The following PPM1L variants were observed in gnomAD, a reference collection of about 807,000 sequenced individuals.
PPM1L encodes protein phosphatase, Mg2+/Mn2+ dependent 1L.
PPM1L carries 13 observed loss-of-function variants against 31.4 expected under a neutral mutation model. The ratio of observed to expected loss-of-function variants is 0.41; its 90% CI spans 0.27 to 0.66. The LOEUF (loss-of-function observed/expected upper bound fraction) is 0.66, where lower values mean the gene tolerates loss of function less well. Ranked by LOEUF, PPM1L falls within the 30% of genes least tolerant of loss-of-function variation. The probability of loss-of-function intolerance (pLI) is 0.29; values close to 1 mark genes in which losing one functional copy is unlikely to be tolerated. For missense variants in PPM1L, 326 were observed against 453.7 expected (o/e 0.72, Z 2.56); for synonymous variants, 184 against 175.4 (o/e 1.05, Z -0.39).
intron 2 of PPM1L, among the ~76,000 whole-genome samples, chr3:160,979,109 C>T (rs375251740): frequency 1.3e-3 from 191 of 152,018 alleles, no homozygotes; most frequent in African/African-American, 4.4e-3. Context: ...CTAACTCAAA[C>T]CTAAATAATT....
Position 161,044,346 on chromosome 3 carries a change from G to GTATTTATTTATTTATT in PPM1L, c.575-21031_575-21016dup, listed in dbSNP as rs66461506. On this transcript the variant is annotated intron_variant, in intron 2 of 3. Coordinates refer to ENST00000498165, the MANE Select transcript of PPM1L (RefSeq NM_139245.4). Reference sequence around the variant, plus strand: ...TGAGCCACTGCACCTGGCCTGCCCTGTATTTATTTATTTATTTATTTATTT... The same window carrying GTATTTATTTATTTATT: ...TGAGCCACTGCACCTGGCCTGCCCTGTATTTATTTATTTATTTATTTATTTATTTATTTATTTATTT... Among the ~76,000 whole-genome samples, 140 of 143,334 alleles carry GTATTTATTTATTTATT rather than the reference G, an allele frequency of 9.8e-4. 1 individual carries two copies. Among genetic ancestry groups the GTATTTATTTATTTATT allele is most frequent in the Middle Eastern group, 3.6e-3 (1 of 280 alleles). 94.0% of individuals were successfully genotyped at this position (143,334 alleles called of 152,430 possible). A position where few individuals can be genotyped will look rare whatever the true frequency, so the allele number is the denominator to read the frequency against.
At chr3:160,824,416 A>G (rs546183690) in intron 1 of PPM1L, among the ~76,000 whole-genome samples, 1 of 152,280 alleles carries the variant, frequency 6.6e-6, no homozygotes, top group Non-Finnish European at 1.5e-5. Context: ...TAAAGTACTG[A>G]ACCATAAGGG....
intron 1 of PPM1L, among the ~76,000 whole-genome samples, chr3:160,914,951 G>A (rs1178855017): frequency 6.6e-6 from 1 of 152,082 alleles, no homozygotes; most frequent in East Asian, 1.9e-4. Context: ...TCCAGCACCT[G>A]TTGTTTCCTG....
chr3:160,787,738 C>A (rs1051745004), intron 1 of PPM1L, among the ~76,000 whole-genome samples: 1 of 152,160 alleles, frequency 6.6e-6, no homozygotes, highest in African/African-American at 2.4e-5. Flanking sequence ...TTAGGTTTTA[C>A]ATTTAAGTCC....
intron 2 of PPM1L, among the ~76,000 whole-genome samples, chr3:161,037,226 T>G (rs1179538484): frequency 6.6e-6 from 1 of 152,136 alleles, no homozygotes; most frequent in Non-Finnish European, 1.5e-5. Context: ...ATATAAAGAC[T>G]GGCTTCTGAC....
At chr3:160,793,602 G>A (rs1197712900) in intron 1 of PPM1L, among the ~76,000 whole-genome samples, 1 of 152,154 alleles carries the variant, frequency 6.6e-6, no homozygotes, top group African/African-American at 2.4e-5. Flanking sequence ...AGTAAAGTGT[G>A]CGTGTTGATT....
At chr3:160,836,014 C>T (rs1713703649) in intron 1 of PPM1L, among the ~76,000 whole-genome samples, 1 of 151,926 alleles carries the variant, frequency 6.6e-6, no homozygotes, top group Non-Finnish European at 1.5e-5. Context: ...TCAATGTGTC[C>T]ATTTTTTTCT....
At chr3:160,990,770 T>C (rs912890004) in intron 2 of PPM1L, among the ~76,000 whole-genome samples, 5 of 152,218 alleles carry the variant, frequency 3.3e-5, no homozygotes, top group Non-Finnish European at 5.9e-5. Flanking sequence ...TCCAAGCCCA[T>C]GTGATTATAA....
intron 2 of PPM1L, among the ~76,000 whole-genome samples, chr3:160,999,291 T>G (rs897653795): frequency 6.6e-6 from 1 of 152,192 alleles, no homozygotes; most frequent in African/African-American, 2.4e-5. Context: ...GTGTGGTTTC[T>G]ACTGCAGACA....
chr3:160,974,101 T>C (rs1161019501), intron 2 of PPM1L, among the ~76,000 whole-genome samples: 1 of 138,258 alleles, frequency 7.2e-6, no homozygotes, highest in African/African-American at 2.7e-5. Flanking sequence ...AATTCCCACC[T>C]ATGAGTGAGA....
chr3:160,909,435 T>C (rs1713877612), intron 1 of PPM1L, among the ~76,000 whole-genome samples: 2 of 152,114 alleles, frequency 1.3e-5, no homozygotes, highest in Non-Finnish European at 2.9e-5. Context: ...AGTTAACAAA[T>C]TCGATTTTAG....
chr3:161,048,740 C>T (rs1291307375), intron 2 of PPM1L, among the ~76,000 whole-genome samples: 1 of 151,922 alleles, frequency 6.6e-6, no homozygotes, highest in South Asian at 2.1e-4. Flanking sequence ...CCATGGAATA[C>T]TATGCTGCCA....
At chr3:160,989,067 G>A (rs1321240783) in intron 2 of PPM1L, among the ~76,000 whole-genome samples, 1 of 152,134 alleles carries the variant, frequency 6.6e-6, no homozygotes, top group African/African-American at 2.4e-5. Flanking sequence ...GAAGAAAGGA[G>A]GAAATAGAAA....
At chr3:160,970,327 A>G (rs540453159) in intron 2 of PPM1L, among the ~76,000 whole-genome samples, 30 of 152,232 alleles carry the variant, frequency 2.0e-4, no homozygotes, top group African/African-American at 5.3e-4. Flanking sequence ...GGAAGAGGGG[A>G]GTAAAATGGG....
chr3:160,961,124 G>A (rs1283337568), intron 1 of PPM1L, among the ~76,000 whole-genome samples: 4 of 152,140 alleles, frequency 2.6e-5, no homozygotes, highest in Non-Finnish European at 1.5e-5. Flanking sequence ...AGGCATTTAA[G>A]TGGTGAAGAG....
At chr3:160,828,451 A>G (rs1017495534) in intron 1 of PPM1L, among the ~76,000 whole-genome samples, 2 of 152,090 alleles carry the variant, frequency 1.3e-5, no homozygotes, top group Non-Finnish European at 2.9e-5. Context: ...TATACCAGGC[A>G]TTAGGTGGGT....
In PPM1L at chr3:160,864,339, T is replaced by A. The variant is rs149322946; in HGVS notation, c.400-97397T>A. Among the ~76,000 whole-genome samples the A allele has an allele frequency of 3.5e-3, 532 of 152,078 alleles. 2 individuals carry two copies. The highest frequency in any genetic ancestry group is 0.012 in the African/African-American group (514 of 41,498). Reference sequence around the variant, plus strand: ...TAGCTGGGACTTATAGGCACTTGACTAATTTTTGTATGTTTTTTGTAATGA... The same window carrying A: ...TAGCTGGGACTTATAGGCACTTGACAAATTTTTGTATGTTTTTTGTAATGA... On this transcript the variant is annotated intron_variant, in intron 1 of 3. Coordinates refer to ENST00000498165, the MANE Select transcript of PPM1L (RefSeq NM_139245.4).
chr3:161,046,796 A>C (rs1191859134), intron 2 of PPM1L, among the ~76,000 whole-genome samples: 1 of 152,228 alleles, frequency 6.6e-6, no homozygotes, highest in East Asian at 1.9e-4. Context: ...TACGCAAATC[A>C]ATAAACGTAA....
chr3:160,976,776 T>C (rs1716599103), intron 2 of PPM1L, among the ~76,000 whole-genome samples: 1 of 152,206 alleles, frequency 6.6e-6, no homozygotes, highest in African/African-American at 2.4e-5. Context: ...TTTTTCTTTA[T>C]TAGTCTGCTA....
Sources: gnomAD v4.1 joint callset for allele counts (sites outside exome capture counted in the v4.1 genomes callset) on GRCh38, gnomAD v4.1.1 for gene constraint, MANE v1.5 for transcripts, NCBI Gene and HGNC (gene_info 2026-07-23, HGNC 2026-07-21) for gene names.